Variants in FBLN1 observed in about 807,000 individuals in gnomAD.
The protein encoded by FBLN1 is fibulin 1.
In FBLN1, 34 loss-of-function variants were observed where a neutral mutation model predicts 89.7. The ratio of observed to expected loss-of-function variants is 0.38; its 90% CI spans 0.29 to 0.50. The LOEUF (loss-of-function observed/expected upper bound fraction) is 0.50, where lower values mean the gene tolerates loss of function less well. Ranked by LOEUF, FBLN1 falls within the 20% of genes least tolerant of loss-of-function variation. The probability of loss-of-function intolerance (pLI) is 0.92; values close to 1 mark genes in which losing one functional copy is unlikely to be tolerated. For missense variants in FBLN1, 777 were observed against 988.1 expected (o/e 0.79, Z 2.86); for synonymous variants, 393 against 391.3 (o/e 1.00, Z -0.05).
At chr22:45,551,570 A>T (rs1261154097) in intron 14 of FBLN1, among the ~76,000 whole-genome samples, 4 of 152,084 alleles carry the variant, frequency 2.6e-5, no homozygotes, top group African/African-American at 9.7e-5. Context: ...TGCGATTCTC[A>T]TTGGCTGGCC....
At chr22:45,525,105 A>AAGAG (rs3074727) in intron 2 of FBLN1, among the ~76,000 whole-genome samples, 53 of 142,202 alleles carry the variant, frequency 3.7e-4, no homozygotes, top group African/African-American at 1.3e-3. Flanking sequence ...GAGAAAGGGA[A>AAGAG]AGAGAGAGAG....
Position 45,590,458 on chromosome 22 carries a change from C to T in FBLN1, c.1973-9849C>T, listed in dbSNP as rs1276537366. On this transcript the variant is annotated intron_variant, in intron 16 of 16. Coordinates refer to ENST00000327858, the MANE Select transcript of FBLN1 (RefSeq NM_006486.3). This position sits in a 1 kb window ranked among gnomAD's most constrained non-coding sequence, Gnocchi z 4.1. ...AGCTGGGCTGGACGGGGCCGTGGGC[C>T]TCAGCAAGATGCGTCTCACCTGCTG... Among the ~76,000 whole-genome samples the T allele has an allele frequency of 1.3e-5, 2 of 152,208 alleles. No individual in the cohort carries two copies. Among genetic ancestry groups the T allele is most frequent in the African/African-American group, 4.8e-5 (2 of 41,456 alleles).
In FBLN1 at chr22:45,592,421, T is replaced by C. The variant is rs533412659; in HGVS notation, c.1973-7886T>C. On this transcript the variant is annotated intron_variant, in intron 16 of 16. Coordinates refer to ENST00000327858, the MANE Select transcript of FBLN1 (RefSeq NM_006486.3). The stretch of plus-strand genomic sequence containing the variant: ...GGCTCACTGCAACCTCTGCCTCCCA[T>C]GTTCAGGTGATTCTCCCTGCCTCAG... Among the ~76,000 whole-genome samples, 16 of 152,270 alleles carry C rather than the reference T, an allele frequency of 1.1e-4. No individual in the cohort carries two copies. The South Asian group carries it at 3.1e-3, about 30-fold the overall frequency.
At chr22:45,571,288 AAAGTT>A (rs1403036388) in intron 14 of FBLN1, among the ~76,000 whole-genome samples, 3 of 152,222 alleles carry the variant, frequency 2.0e-5, no homozygotes, top group Admixed American at 6.5e-5. Flanking sequence ...ACTCTCAAGA[AAAGTT>A]AAGCCCAGAA....
rs2088694259 is a variant in FBLN1, at chr22:45,550,988, G to T, written c.1697+373G>T. The T allele has an allele frequency of 2.8e-6, 1 of 354,154 alleles. No homozygotes were observed. The highest frequency in any genetic ancestry group is 6.9e-5 in the East Asian group (1 of 14,456). 21.9% of individuals were successfully genotyped at this position (354,154 alleles called of 1,614,324 possible). Reference sequence around the variant, plus strand: ...GAACGTGCTCTGACTGAGATGCATAGGTAGCAATGTCTCCATGTCAGCCCA... The same window carrying T: ...GAACGTGCTCTGACTGAGATGCATATGTAGCAATGTCTCCATGTCAGCCCA... On this transcript the variant is annotated intron_variant, in intron 14 of 16. Transcript: ENST00000327858. This position sits in a 1 kb window ranked among gnomAD's most constrained non-coding sequence, Gnocchi z 8.4.
At chr22:45,567,756 G>A (rs768220301) in intron 14 of FBLN1, among the ~76,000 whole-genome samples, 6 of 151,934 alleles carry the variant, frequency 3.9e-5, no homozygotes, top group Admixed American at 6.6e-5. Flanking sequence ...ATTTACAAAC[G>A]AAACAAGGTA....
At chr22:45,594,603 T>C (rs946318556) in intron 16 of FBLN1, among the ~76,000 whole-genome samples, 8 of 150,992 alleles carry the variant, frequency 5.3e-5, no homozygotes, top group African/African-American at 2.0e-4. Context: ...GATCCATGGG[T>C]GGGTGTGTGG....
intron 2 of FBLN1, 33 bp from the exon 3 acceptor site, chr22:45,525,510 A>G (rs370798546): frequency 3.9e-6 from 6 of 1,548,370 alleles, no homozygotes; most frequent in Non-Finnish European, 5.2e-6. Flanking sequence ...CCCTGCGCAC[A>G]GAGCCTTGGC....
Position 45,594,732 on chromosome 22 carries a change from A to ATG in FBLN1, c.1973-5575_1973-5574insTG, listed in dbSNP as rs1569269732. Among the ~76,000 whole-genome samples the ATG allele has an allele frequency of 5.9e-3, 643 of 108,536 alleles. 3 individuals carry two copies. Among genetic ancestry groups the ATG allele is most frequent in the African/African-American group, 0.026 (619 of 23,844 alleles). 71.2% of individuals were successfully genotyped at this position (108,536 alleles called of 152,430 possible). ...TGGATGGATGGATGGATGGATGGAT[A>ATG]GATGGATGGGTGAGTGGATAGATGG... On this transcript the variant is annotated intron_variant, in intron 16 of 16. Coordinates refer to ENST00000327858, the MANE Select transcript of FBLN1 (RefSeq NM_006486.3).
intron 8 of FBLN1, among the ~76,000 whole-genome samples, chr22:45,538,316 C>T (rs1440934605): frequency 6.6e-6 from 1 of 152,238 alleles, no homozygotes; most frequent in East Asian, 1.9e-4. Context: ...CTATTTATTT[C>T]AAAAATTATG....
At chr22:45,525,819 C>T (rs938304525) in intron 3 of FBLN1, 141 bp downstream of exon 3, 36 of 1,171,964 alleles carry the variant, frequency 3.1e-5, no homozygotes, top group South Asian at 9.6e-5. Flanking sequence ...GTTCCTGGGC[C>T]AGGAGGGAGG....
At chr22:45,564,234 A>T (rs1192610815) in intron 14 of FBLN1, among the ~76,000 whole-genome samples, 2 of 152,144 alleles carry the variant, frequency 1.3e-5, no homozygotes, top group African/African-American at 4.8e-5. Flanking sequence ...CAGCCAAGCC[A>T]GTCATCTGTC....
rs6006771 is a variant in FBLN1, at chr22:45,532,093, A to C, written c.544+769A>C. Among the ~76,000 whole-genome samples, 14,008 of 152,218 alleles carry C rather than the reference A, an allele frequency of 0.092. 2,148 individuals are homozygous for C. Among genetic ancestry groups the C allele is most frequent in the African/African-American group, 0.32 (13,193 of 41,484 alleles). ...GCAGATCTGCCTCACAAGCTCTTTCAGTGGTTCCCCCTGTGGTTAGGGTGT... is the reference window on the plus strand; with the variant it reads ...GCAGATCTGCCTCACAAGCTCTTTCCGTGGTTCCCCCTGTGGTTAGGGTGT... On this transcript the variant is annotated intron_variant, in intron 5 of 16. Coordinates refer to ENST00000327858, the MANE Select transcript of FBLN1 (RefSeq NM_006486.3). The surrounding 1 kb of genome is among the most constrained non-coding windows in gnomAD (Gnocchi z 4.2).
At chr22:45,534,032 C>A in intron 7 of FBLN1, 134 bp downstream of exon 7, 1 of 1,232,530 alleles carries the variant, frequency 8.1e-7, no homozygotes, top group Non-Finnish European at 1.2e-6. Flanking sequence ...GCCTGCTCAT[C>A]TGCAGGAGGG....
At chr22:45,528,880 C>T (rs1197188579) in intron 4 of FBLN1, among the ~76,000 whole-genome samples, 5 of 152,220 alleles carry the variant, frequency 3.3e-5, no homozygotes, top group Admixed American at 1.3e-4. Flanking sequence ...TGCTTGGAGT[C>T]TGGGATCGGA....
intron 1 of FBLN1, chr22:45,517,552 C>T (rs1265801314): frequency 3.6e-5 from 17 of 470,874 alleles, no homozygotes; most frequent in South Asian, 1.7e-4. Context: ...CTGCTTGGAG[C>T]GTGATCCTTT....
chr22:45,598,393 A>C (rs1373776530), intron 16 of FBLN1, among the ~76,000 whole-genome samples: 2 of 152,220 alleles, frequency 1.3e-5, no homozygotes, highest in East Asian at 3.9e-4. Flanking sequence ...ACCACCTTAG[A>C]CAAATCCTAC....
chr22:45,533,035 C>T (rs758208192), intron 5 of FBLN1, 28 bp from the exon 6 acceptor site: 2 of 1,597,920 alleles, frequency 1.3e-6, no homozygotes, highest in Non-Finnish European at 8.6e-7. Flanking sequence ...GTGCGTCCAT[C>T]CCTGGCTCAT....
intron 3 of FBLN1, 27 bp downstream of exon 3, chr22:45,525,705 G>C: frequency 6.4e-7 from 1 of 1,551,120 alleles, no homozygotes; most frequent in Non-Finnish European, 8.7e-7. Context: ...ATGTGGGGTC[G>C]CTGCCCGTCC....
Sources: allele counts gnomAD v4.1 joint callset (sites outside exome capture counted in the v4.1 genomes callset), GRCh38; gene constraint gnomAD v4.1.1; non-coding constraint Gnocchi (gnomAD v3.1); transcripts MANE v1.5; gene names NCBI Gene and HGNC (gene_info 2026-07-23, HGNC 2026-07-21).